FLT1: variants seen among roughly 807,000 people sequenced by gnomAD.
FLT1 encodes fms related receptor tyrosine kinase 1, also known as vascular endothelial growth factor receptor 1.
In FLT1, 49 loss-of-function variants were observed where a neutral mutation model predicts 156.3. That is an observed-to-expected ratio of 0.31 (90% CI 0.25 to 0.40). The LOEUF (loss-of-function observed/expected upper bound fraction) is 0.40. FLT1 is among the 10% of genes least tolerant of loss of function. FLT1 has a pLI of 1.00. For synonymous variants in FLT1, 594 were observed against 583.8 expected, an observed-to-expected ratio of 1.02 and a Z score of -0.25; for missense variants, 1,322 against 1,637.2, an observed-to-expected ratio of 0.81 and a Z score of 3.32.
At chr13:28,349,741 C>T (rs1872684619) in intron 15 of FLT1, among the ~76,000 whole-genome samples, 1 of 152,134 alleles carries the variant, frequency 6.6e-6, no homozygotes. Context: ...AGTCCTTACT[C>T]AAGCAAAATT....
chr13:28,380,756 T>C (rs1874045703), intron 14 of FLT1, among the ~76,000 whole-genome samples: 1 of 152,182 alleles, frequency 6.6e-6, no homozygotes. Context: ...ATTAATTAAC[T>C]CTGATGCCTT....
At chr13:28,354,575 CTTAT>C (rs1872835129) in intron 15 of FLT1, among the ~76,000 whole-genome samples, 1 of 152,154 alleles carries the variant, frequency 6.6e-6, no homozygotes, top group African/African-American at 2.4e-5. Context: ...TATAGCGCTA[CTTAT>C]TTGTTTCTTT....
In FLT1 at chr13:28,332,574, C is replaced by T. The variant is rs61950221; in HGVS notation, c.2593+1451G>A. On this transcript the variant is annotated intron_variant, in intron 18 of 29. Transcript: ENST00000282397. ...GAGCAGTGTGCCAATTCCAGGAGGC[C>T]AGGTCTCTGCAGCCCCTCTTTTGTG... is the stretch of plus-strand genomic sequence containing the variant. Among the ~76,000 whole-genome samples the T allele has an allele frequency of 7.5e-3, 1,138 of 152,238 alleles. 4 individuals carry two copies. Among genetic ancestry groups the T allele is most frequent in the Non-Finnish European group, 8.9e-3 (608 of 68,026 alleles).
intron 27 of FLT1, 118 bp downstream of exon 27, chr13:28,311,472 C>T (rs1372486170): frequency 2.2e-5 from 20 of 893,246 alleles, no homozygotes; most frequent in South Asian, 6.6e-5. Context: ...CTTTCTTTCT[C>T]TCTTTCTTTC....
chr13:28,310,064 A>G (rs1870934001), intron 27 of FLT1, among the ~76,000 whole-genome samples: 1 of 151,500 alleles, frequency 6.6e-6, no homozygotes, highest in Admixed American at 6.6e-5. Flanking sequence ...TAATTTTTGT[A>G]TTTTTAGTAG....
chr13:28,366,542 T>C (rs1308391928), intron 14 of FLT1, among the ~76,000 whole-genome samples: 1 of 152,064 alleles, frequency 6.6e-6, no homozygotes, highest in Non-Finnish European at 1.5e-5. Context: ...CGATCTCGGC[T>C]CACTGCAACC....
intron 24 of FLT1, 25 bp from the exon 25 acceptor site, chr13:28,317,622 C>A (rs1344636343): frequency 1.3e-6 from 2 of 1,490,500 alleles, no homozygotes; most frequent in South Asian, 2.3e-5. Flanking sequence ...GTGGAAAACA[C>A]AGGGCCTGTT....
chr13:28,327,756 CAAAAAA>C lies in FLT1; in HGVS notation c.2708-212_2708-207del, dbSNP rs56031277. Among the ~76,000 whole-genome samples, 230 of 122,746 alleles carry C rather than the reference CAAAAAA, an allele frequency of 1.9e-3. 1 individual carries two copies. The highest frequency in any genetic ancestry group is 2.4e-3 in the Admixed American group (29 of 12,218). The allele number at this position is 122,746 out of a possible 152,430, so 80.5% of individuals were successfully genotyped here. ...GGGTTTAAAGAATACAATTGAAATACAAAAAAAAAAAAAAAAAAAAGGAGGTGAGGG... is the reference window on the plus strand; with the variant it reads ...GGGTTTAAAGAATACAATTGAAATACAAAAAAAAAAAAAAGGAGGTGAGGG... On this transcript the variant is annotated intron_variant, in intron 19 of 29. Transcript: ENST00000282397.
intron 20 of FLT1, among the ~76,000 whole-genome samples, chr13:28,326,765 A>T (rs1043369818): frequency 1.3e-5 from 2 of 151,972 alleles, no homozygotes; most frequent in Non-Finnish European, 2.9e-5. Context: ...ACCTCACAAG[A>T]TCCACCTGCC....
In FLT1 at chr13:28,475,709, A is replaced by G. The variant is rs540889336; in HGVS notation, c.65-8092T>C. Among the ~76,000 whole-genome samples the G allele has an allele frequency of 2.7e-4, 41 of 152,356 alleles. No individual in the cohort carries two copies. In the South Asian group the frequency reaches 7.7e-3, roughly 28 times the overall value. On this transcript the variant is annotated intron_variant, in intron 1 of 29. Coordinates refer to ENST00000282397, the MANE Select transcript of FLT1 (RefSeq NM_002019.4). Reference sequence around the variant, plus strand: ...AGGGCTCTGAAACTTAATAAAAAAAAGTTAACTCTTAGTTCTTAACCTCTG... The same window carrying G: ...AGGGCTCTGAAACTTAATAAAAAAAGGTTAACTCTTAGTTCTTAACCTCTG...
At chr13:28,304,470 G>A (rs957130917) in intron 29 of FLT1, among the ~76,000 whole-genome samples, 2 of 151,676 alleles carry the variant, frequency 1.3e-5, no homozygotes, top group African/African-American at 4.8e-5. Flanking sequence ...TTTAGATCAG[G>A]GTTCAAAAAC....
At position 28,439,396 on chromosome 13, in the gene FLT1, A is replaced by G. The variant is rs1189468949; in HGVS notation, c.389-1051T>C. On this transcript the variant is annotated intron_variant, in intron 3 of 29. Coordinates refer to ENST00000282397, the MANE Select transcript of FLT1 (RefSeq NM_002019.4). This position sits in a 1 kb window ranked among gnomAD's most constrained non-coding sequence, Gnocchi z 4.1. ...TGCTGGTCCTGCCTCAGGTTTGTGG[A>G]TTACGAAGCTAATTCAGGATGCTGA... Among the ~76,000 whole-genome samples the G allele has an allele frequency of 1.3e-5, 2 of 152,160 alleles. No homozygotes were observed. Among genetic ancestry groups the G allele is most frequent in the Non-Finnish European group, 2.9e-5 (2 of 68,016 alleles).
At chr13:28,484,586 T>C (rs539405338) in intron 1 of FLT1, among the ~76,000 whole-genome samples, 25 of 152,318 alleles carry the variant, frequency 1.6e-4, no homozygotes, top group African/African-American at 5.8e-4. Flanking sequence ...GTCTGCCACA[T>C]ACAGCAGTGG....
intron 12 of FLT1, 151 bp downstream of exon 12, chr13:28,396,809 T>C (rs1875077169): frequency 1.4e-6 from 1 of 704,844 alleles, no homozygotes; most frequent in South Asian, 1.5e-5. Flanking sequence ...TAGAATTCTA[T>C]TCCTGAGAGC....
At chr13:28,456,601 G>C (rs1879282250) in intron 3 of FLT1, among the ~76,000 whole-genome samples, 1 of 152,028 alleles carries the variant, frequency 6.6e-6, no homozygotes, top group Admixed American at 6.5e-5. Context: ...CTCGAGACCA[G>C]CCTGGCCAAC....
At chr13:28,379,321 A>G (rs1156505724) in intron 14 of FLT1, among the ~76,000 whole-genome samples, 1 of 152,212 alleles carries the variant, frequency 6.6e-6, no homozygotes, top group East Asian at 1.9e-4. Context: ...GCGACAGCGC[A>G]AGACTCCATC....
At chr13:28,412,404 C>CTTTT (rs1876345429) in intron 10 of FLT1, among the ~76,000 whole-genome samples, 1 of 135,994 alleles carries the variant, frequency 7.4e-6, no homozygotes, top group Non-Finnish European at 1.6e-5. Context: ...TTCTTTCTTT[C>CTTTT]TTTCTTCTCT....
chr13:28,469,170 G>C (rs1291966912), intron 1 of FLT1, among the ~76,000 whole-genome samples: 1 of 152,200 alleles, frequency 6.6e-6, no homozygotes, highest in Non-Finnish European at 1.5e-5. Flanking sequence ...TAGCAGGAGA[G>C]AGGAAAGAAA....
At chr13:28,401,318 G>A (rs1043356610) in intron 11 of FLT1, among the ~76,000 whole-genome samples, 3 of 152,090 alleles carry the variant, frequency 2.0e-5, no homozygotes, top group African/African-American at 4.8e-5. Flanking sequence ...TGCCTGGCCT[G>A]GCCCTCAAGG....
Sources: gnomAD v4.1 joint callset for allele counts (sites outside exome capture counted in the v4.1 genomes callset) on GRCh38, gnomAD v4.1.1 for gene constraint, Gnocchi (gnomAD v3.1) non-coding constraint, MANE v1.5 for transcripts, NCBI Gene and HGNC (gene_info 2026-07-23, HGNC 2026-07-21) for gene names.